Variants in OR5A1 observed in about 807,000 individuals in gnomAD.
OR5A1 encodes olfactory receptor family 5 subfamily A member 1, also known as olfactory receptor 5A1.
In OR5A1, 6 loss-of-function variants were observed where a neutral mutation model predicts 6.7. The ratio of observed to expected loss-of-function variants is 0.89; its 90% CI spans 0.49 to 1.76. OR5A1 has a LOEUF of 1.76. Ranked by LOEUF, OR5A1 falls within the 40% of genes most tolerant of loss-of-function variation. OR5A1 has a pLI of 0.01. For synonymous variants in OR5A1, 170 were observed against 155.0 expected, an observed-to-expected ratio of 1.10 and a Z score of -0.72; for missense variants, 378 against 381.7, an observed-to-expected ratio of 0.99 and a Z score of 0.08.
Position 59,445,264 on chromosome 11 carries a change from G to T in OR5A1, c.*1148G>T, listed in dbSNP as rs1180180560. The T allele has an allele frequency of 2.0e-5, 3 of 152,096 alleles. No individual in the cohort carries two copies. Among genetic ancestry groups the T allele is most frequent in the Non-Finnish European group, 2.9e-5 (2 of 68,022 alleles). 9.4% of individuals were successfully genotyped at this position (152,096 alleles called of 1,614,324 possible). On this transcript the variant is annotated 3_prime_UTR_variant, in exon 2 of 2. Coordinates refer to ENST00000641045, the MANE Select transcript of OR5A1 (RefSeq NM_001004728.2). ...TTACAAGTGAGAACATTGGATATTT[G>T]GTTATCTGTTCTTGGGTTAGTTTGC... is the stretch of plus-strand genomic sequence containing the variant.
rs1302915987 is a variant in OR5A1 at position 59,443,348 on chromosome 11, A to T, written c.180A>T (p.Thr60=). 1.2e-6 allele frequency: 2 copies of T among 1,613,742 alleles called. No individual in the cohort carries two copies. The highest frequency in any genetic ancestry group is 3.3e-5 in the Admixed American group (2 of 59,998). The change falls in exon 2 of 2, where the codon ACA becomes ACT. Residue 60 remains threonine (T), a synonymous_variant. Coordinates refer to ENST00000641045, the MANE Select transcript of OR5A1 (RefSeq NM_001004728.2). ...TCAGAGGTGACACCCATCTGCACAC[A>T]CCCATGTACTTCTTCCTAAGCAACT... ...FLIRGDTHLH[T]PMYFFLSNLS...
intron 1 of OR5A1, among the ~76,000 whole-genome samples, chr11:59,440,063 T>C (rs1027566502): frequency 1.4e-4 from 21 of 152,146 alleles, no homozygotes; most frequent in African/African-American, 4.8e-4. Flanking sequence ...GTAGTTACTG[T>C]TTGTTTTATT....
rs1858599505 is a variant in OR5A1 at position 59,450,083 on chromosome 11, G to A, written c.*5967G>A. The A allele has an allele frequency of 6.6e-6, 1 of 152,164 alleles. No individual in the cohort carries two copies. Among genetic ancestry groups the A allele is most frequent in the Admixed American group, 6.5e-5 (1 of 15,276 alleles). The allele number at this position is 152,164 out of a possible 1,614,324, so 9.4% of individuals were successfully genotyped here. A position where few individuals can be genotyped will look rare whatever the true frequency, so the allele number is the denominator to read the frequency against. On this transcript the variant is annotated 3_prime_UTR_variant, in exon 2 of 2. Transcript: ENST00000641045. ...GAATAAGGTCCTGGGGTTCATAAAG[G>A]TTAACTTGCTCCGGGTCACAAGAGG... is the stretch of plus-strand genomic sequence containing the variant.
Position 59,448,776 on chromosome 11 carries a change from A to C in OR5A1, c.*4660A>C, listed in dbSNP as rs1858582020. 1 of 152,162 alleles carries C rather than the reference A, an allele frequency of 6.6e-6. No homozygotes were observed. Among genetic ancestry groups the C allele is most frequent in the South Asian group, 2.1e-4 (1 of 4,826 alleles). 9.4% of individuals were successfully genotyped at this position (152,162 alleles called of 1,614,324 possible). A position where few individuals can be genotyped will look rare whatever the true frequency, so the allele number is the denominator to read the frequency against. On this transcript the variant is annotated 3_prime_UTR_variant, in exon 2 of 2. Transcript: ENST00000641045. ...ACTGCCTGATATACAAAACGCAATA[A>C]ATATGCATTTTTGGTCAATTATTAT... is the stretch of plus-strand genomic sequence containing the variant.
chr11:59,448,362 C>G lies in OR5A1; in HGVS notation c.*4246C>G, dbSNP rs1858575710. 1 of 152,116 alleles carries G rather than the reference C, an allele frequency of 6.6e-6. No homozygotes were observed. The highest frequency in any genetic ancestry group is 6.6e-5 in the Admixed American group (1 of 15,252). 9.4% of individuals were successfully genotyped at this position (152,116 alleles called of 1,614,324 possible). On this transcript the variant is annotated 3_prime_UTR_variant, in exon 2 of 2. Transcript: ENST00000641045. Reference sequence around the variant, plus strand: ...AAGTCCTAAACTGAAGTTCCATCCACGACTATGAGGGGCCACTAGACCAGG... The same window carrying G: ...AAGTCCTAAACTGAAGTTCCATCCAGGACTATGAGGGGCCACTAGACCAGG...
rs1271841335 is a variant in OR5A1 at position 59,443,337 on chromosome 11, C to T, written c.169C>T (p.His57Tyr). The T allele has an allele frequency of 6.2e-7, 1 of 1,613,740 alleles. No individual in the cohort carries two copies. Among genetic ancestry groups the T allele is most frequent in the Admixed American group, 1.7e-5 (1 of 59,992 alleles). Residue 57 changes from histidine to tyrosine, a missense_variant, in exon 2 of 2, where the codon CAT becomes TAT. Coordinates refer to ENST00000641045, the MANE Select transcript of OR5A1 (RefSeq NM_001004728.2). ...CATTTTTCTGATCAGAGGTGACACCCATCTGCACACACCCATGTACTTCTT... is the reference window on the plus strand; with the variant it reads ...CATTTTTCTGATCAGAGGTGACACCTATCTGCACACACCCATGTACTTCTT... Reference protein sequence around the residue: ...ALIFLIRGDTHLHTPMYFFLS... With the variant: ...ALIFLIRGDTYLHTPMYFFLS...
chr11:59,437,357 G>GC (rs1858428370), intron 1 of OR5A1, among the ~76,000 whole-genome samples: 1 of 152,064 alleles, frequency 6.6e-6, no homozygotes, highest in Non-Finnish European at 1.5e-5. Context: ...CTGACCCCTA[G>GC]CAACTACTGA....
rs1381760780 is a variant in OR5A1, at chr11:59,449,779, A to G, written c.*5663A>G. The G allele has an allele frequency of 1.3e-5, 2 of 152,214 alleles. No homozygotes were observed. The highest frequency in any genetic ancestry group is 2.9e-5 in the Non-Finnish European group (2 of 68,036). The allele number at this position is 152,214 out of a possible 1,614,324, so 9.4% of individuals were successfully genotyped here. A position where few individuals can be genotyped will look rare whatever the true frequency, so the allele number is the denominator to read the frequency against. ...TAAGATGAGGCTGAAAATGGCGTAA[A>G]GGAAAACAAATACTTGTTGGGGAAC... is the stretch of plus-strand genomic sequence containing the variant. On this transcript the variant is annotated 3_prime_UTR_variant, in exon 2 of 2. Transcript: ENST00000641045.
chr11:59,442,442 C>CA (rs917064141), intron 1 of OR5A1, among the ~76,000 whole-genome samples: 28 of 147,226 alleles, frequency 1.9e-4, no homozygotes, highest in African/African-American at 3.8e-4. Flanking sequence ...AACTCCATCT[C>CA]AAAAAAAAAT....
chr11:59,441,126 C>A (rs1391069909), intron 1 of OR5A1, among the ~76,000 whole-genome samples: 1 of 152,136 alleles, frequency 6.6e-6, no homozygotes, highest in African/African-American at 2.4e-5. Context: ...AATAAAGTGG[C>A]TCTCCTAAAT....
In OR5A1 at chr11:59,443,014, TGAGA is replaced by T. The variant is rs1243119790; in HGVS notation, c.-33-121_-33-118del. On this transcript the variant is annotated intron_variant, in intron 1 of 1. Coordinates refer to ENST00000641045, the MANE Select transcript of OR5A1 (RefSeq NM_001004728.2). Reference sequence around the variant, plus strand: ...GAGAGAGAGAGACTGAGACTGAGACTGAGAAAGAGAAAGAGAGTCTTTGCATAAA... The same window carrying T: ...GAGAGAGAGAGACTGAGACTGAGACTAAGAGAAAGAGAGTCTTTGCATAAA... 9 of 608,592 alleles carry T rather than the reference TGAGA, an allele frequency of 1.5e-5. No homozygotes were observed. In the African/African-American group the frequency reaches 1.7e-4, roughly 11 times the overall value. The allele number at this position is 608,592 out of a possible 1,614,324, so 37.7% of individuals were successfully genotyped here. A position where few individuals can be genotyped will look rare whatever the true frequency, so the allele number is the denominator to read the frequency against.
chr11:59,444,020 G>A lies in OR5A1; in HGVS notation c.852G>A (p.Val284=). The change falls in exon 2 of 2, where the codon GTG becomes GTA. Residue 284 remains valine (V), a synonymous_variant. Coordinates refer to ENST00000641045, the MANE Select transcript of OR5A1 (RefSeq NM_001004728.2). ...TGGTGTCTGTTTTCTATTCATTGGT[G>A]ATCCCCATGCTGAACCCTCTCATTT... ...DKVVSVFYSL[V]IPMLNPLIYS... 1 of 1,614,028 alleles carries A rather than the reference G, an allele frequency of 6.2e-7. No homozygotes were observed. The highest frequency in any genetic ancestry group is 1.3e-5 in the African/African-American group (1 of 74,986).
intron 1 of OR5A1, among the ~76,000 whole-genome samples, chr11:59,441,045 T>G (rs1858476039): frequency 6.6e-6 from 1 of 152,156 alleles, no homozygotes; most frequent in Admixed American, 6.6e-5. Flanking sequence ...AAAAAAATAT[T>G]AAGAATGTCA....
At chr11:59,443,032 T>G (rs2134536946) in intron 1 of OR5A1, 104 bp from the exon 2 acceptor site, 1 of 626,942 alleles carries the variant, frequency 1.6e-6, no homozygotes, top group Non-Finnish European at 2.8e-6. Context: ...AGAAAGAGAG[T>G]CTTTGCATAA....
In OR5A1 at chr11:59,444,272, T is replaced by C. The variant is rs1858522024; in HGVS notation, c.*156T>C. 2.3e-6 allele frequency: 1 copy of C among 434,546 alleles called. No individual in the cohort carries two copies. The highest frequency in any genetic ancestry group is 4.2e-6 in the Non-Finnish European group (1 of 240,806). The allele number at this position is 434,546 out of a possible 1,614,324, so 26.9% of individuals were successfully genotyped here. ...TCTCACCCTTCCTCATGGTCACTTG[T>C]CTACTGACTGTGCCATAGATAGCCA... is the stretch of plus-strand genomic sequence containing the variant. On this transcript the variant is annotated 3_prime_UTR_variant, in exon 2 of 2. Transcript: ENST00000641045.
rs1317112745 is a variant in OR5A1, at chr11:59,444,724, A to G, written c.*608A>G. ...TGTAGTTAAGGTAAATTAGAAAAAC[A>G]AGATGCCTACCTCATCAAATGCCCT... On this transcript the variant is annotated 3_prime_UTR_variant, in exon 2 of 2. Transcript: ENST00000641045. The G allele has an allele frequency of 6.6e-6, 1 of 152,340 alleles. No homozygotes were observed. Among genetic ancestry groups the G allele is most frequent in the Non-Finnish European group, 1.5e-5 (1 of 68,070 alleles). The allele number at this position is 152,340 out of a possible 1,614,324, so 9.4% of individuals were successfully genotyped here.
Position 59,448,476 on chromosome 11 carries a change from G to T in OR5A1, c.*4360G>T, listed in dbSNP as rs1858578300. The T allele has an allele frequency of 6.6e-6, 1 of 152,000 alleles. No homozygotes were observed. The highest frequency in any genetic ancestry group is 2.1e-4 in the South Asian group (1 of 4,818). The allele number at this position is 152,000 out of a possible 1,614,324, so 9.4% of individuals were successfully genotyped here. A position where few individuals can be genotyped will look rare whatever the true frequency, so the allele number is the denominator to read the frequency against. ...TGACGTTGGTCTCATCCAATGCTTG[G>T]ATCTTACAGGATTATTATGAGCCCA... On this transcript the variant is annotated 3_prime_UTR_variant, in exon 2 of 2. Coordinates refer to ENST00000641045, the MANE Select transcript of OR5A1 (RefSeq NM_001004728.2).
chr11:59,447,377 C>T lies in OR5A1; in HGVS notation c.*3261C>T, dbSNP rs1858562842. 6.6e-6 allele frequency: 1 copy of T among 152,152 alleles called. No homozygotes were observed. The highest frequency in any genetic ancestry group is 1.5e-5 in the Non-Finnish European group (1 of 68,036). The allele number at this position is 152,152 out of a possible 1,614,324, so 9.4% of individuals were successfully genotyped here. A position where few individuals can be genotyped will look rare whatever the true frequency, so the allele number is the denominator to read the frequency against. ...CCCAGAAGCAGAGGCCACAGCTATG[C>T]CTAGAACTACAGAACAACTGCCACT... On this transcript the variant is annotated 3_prime_UTR_variant, in exon 2 of 2. Coordinates refer to ENST00000641045, the MANE Select transcript of OR5A1 (RefSeq NM_001004728.2).
chr11:59,444,638 G>A lies in OR5A1; in HGVS notation c.*522G>A, dbSNP rs1265055325. The A allele has an allele frequency of 6.5e-6, 1 of 153,192 alleles. No individual in the cohort carries two copies. Among genetic ancestry groups the A allele is most frequent in the Non-Finnish European group, 1.5e-5 (1 of 68,492 alleles). 9.5% of individuals were successfully genotyped at this position (153,192 alleles called of 1,614,324 possible). A position where few individuals can be genotyped will look rare whatever the true frequency, so the allele number is the denominator to read the frequency against. ...CATTCAACAAAAAAATAGCCCAAAAGTAGTACGAGTATATAACTCTTGTTA... is the reference window on the plus strand; with the variant it reads ...CATTCAACAAAAAAATAGCCCAAAAATAGTACGAGTATATAACTCTTGTTA... On this transcript the variant is annotated 3_prime_UTR_variant, in exon 2 of 2. Transcript: ENST00000641045.
Sources: gnomAD v4.1 joint callset for allele counts (sites outside exome capture counted in the v4.1 genomes callset) on GRCh38, gnomAD v4.1.1 for gene constraint, MANE v1.5 for transcripts, NCBI Gene and HGNC (gene_info 2026-07-23, HGNC 2026-07-21) for gene names.